Variants in TMEM132D observed in about 807,000 individuals in gnomAD.
TMEM132D encodes transmembrane protein 132D, also known as mature OL transmembrane protein.
Under a neutral mutation model 62.3 loss-of-function variants are expected in TMEM132D, and 21 were observed. The observed-to-expected ratio is 0.34, with a 90% CI of 0.24 to 0.49. The LOEUF (loss-of-function observed/expected upper bound fraction) is 0.49. TMEM132D is among the 20% of genes least tolerant of loss of function. The pLI, the probability that TMEM132D is intolerant of heterozygous loss-of-function variation, is 0.99. For synonymous variants in TMEM132D, 621 were observed against 575.6 expected, an observed-to-expected ratio of 1.08 and a Z score of -1.13; for missense variants, 1,346 against 1,402.8, an observed-to-expected ratio of 0.96 and a Z score of 0.65.
chr12:129,310,730 CAG>C (rs1368050494), intron 4 of TMEM132D, among the ~76,000 whole-genome samples: 3 of 152,160 alleles, frequency 2.0e-5, no homozygotes, highest in Non-Finnish European at 4.4e-5. Context: ...TTTAATTTGT[CAG>C]AGTCATCAGA....
intron 3 of TMEM132D, among the ~76,000 whole-genome samples, chr12:129,460,045 C>G (rs1030303677): frequency 6.6e-6 from 1 of 152,126 alleles, no homozygotes; most frequent in African/African-American, 2.4e-5. Flanking sequence ...ATTAGCTTTT[C>G]TTTTATCAGC....
chr12:129,285,228 G>C (rs192714632), intron 4 of TMEM132D, among the ~76,000 whole-genome samples: 3 of 152,146 alleles, frequency 2.0e-5, no homozygotes, highest in Non-Finnish European at 4.4e-5. Context: ...AGATGAGAGA[G>C]AGGCTCTAGG....
chr12:129,618,676 A>C (rs1878984180), intron 2 of TMEM132D, among the ~76,000 whole-genome samples: 1 of 152,238 alleles, frequency 6.6e-6, no homozygotes, highest in Non-Finnish European at 1.5e-5. Context: ...TAAAATGCAC[A>C]TCTATGTACA....
intron 2 of TMEM132D, among the ~76,000 whole-genome samples, chr12:129,541,264 T>G (rs1288807823): frequency 6.6e-6 from 1 of 152,222 alleles, no homozygotes; most frequent in Non-Finnish European, 1.5e-5. Context: ...ATGTCTTTTA[T>G]GCCTGATTTG....
At chr12:129,247,510 A>G (rs1168740060) in intron 4 of TMEM132D, among the ~76,000 whole-genome samples, 1 of 152,198 alleles carries the variant, frequency 6.6e-6, no homozygotes, top group African/African-American at 2.4e-5. Flanking sequence ...TAAAAGCCAA[A>G]TCCTCAGCAG....
rs577767858 is a variant in TMEM132D at position 129,157,779 on chromosome 12, G to A, written c.1443+51741C>T. ...ACATAATGTGGCTTCTTTGATAATC[G>A]TAATTAATCTTATCTTTCAAATTTA... On this transcript the variant is annotated intron_variant, in intron 5 of 8. Coordinates refer to ENST00000422113, the MANE Select transcript of TMEM132D (RefSeq NM_133448.3). 1.4e-4 allele frequency among the ~76,000 whole-genome samples: 21 copies of A among 152,238 alleles called. No individual in the cohort carries two copies. The East Asian group carries it at 2.3e-3, about 17-fold the overall frequency.
chr12:129,430,866 T>C (rs1331918177), intron 3 of TMEM132D, among the ~76,000 whole-genome samples: 1 of 152,160 alleles, frequency 6.6e-6, no homozygotes. Context: ...GGGAGGTAGA[T>C]AGGGAAAGAG....
intron 1 of TMEM132D, among the ~76,000 whole-genome samples, chr12:129,883,077 G>T (rs1328240153): frequency 2.6e-5 from 4 of 152,124 alleles, no homozygotes; most frequent in African/African-American, 4.8e-5. Context: ...GTGTGGACAG[G>T]CATAAAGACT....
chr12:129,362,201 G>A (rs4759500), intron 3 of TMEM132D, among the ~76,000 whole-genome samples: 149,908 of 152,284 alleles, frequency 0.98, 73,821 homozygotes, highest in Middle Eastern at 1. Flanking sequence ...GTTGATTCCT[G>A]TTTTTATTAC....
chr12:129,779,447 G>A lies in TMEM132D; in HGVS notation c.80-78749C>T, dbSNP rs182504763. Among the ~76,000 whole-genome samples, 1 of 152,082 alleles carries A rather than the reference G, an allele frequency of 6.6e-6. No individual in the cohort carries two copies. The highest frequency in any genetic ancestry group is 1.9e-4 in the East Asian group (1 of 5,160). On this transcript the variant is annotated intron_variant, in intron 1 of 8. Transcript: ENST00000422113. This position sits in a 1 kb window ranked among gnomAD's most constrained non-coding sequence, Gnocchi z 4.1. ...GGAACTGCAGGTGTCCACCCACCATGCCCAGCTAATATTTTGTAGAGATGA... is the reference window on the plus strand; with the variant it reads ...GGAACTGCAGGTGTCCACCCACCATACCCAGCTAATATTTTGTAGAGATGA...
rs557518829 is a variant in TMEM132D at position 129,136,890 on chromosome 12, C to CCACCATCAT, written c.1444-52197_1444-52189dup. On this transcript the variant is annotated intron_variant, in intron 5 of 8. Transcript: ENST00000422113. ...ACCACCATCATTACTATCATCATCACCACCATCATCACCATCATCATCACC... is the reference window on the plus strand; with the variant it reads ...ACCACCATCATTACTATCATCATCACCACCATCATCACCATCATCACCATCATCATCACC... Among the ~76,000 whole-genome samples the CCACCATCAT allele has an allele frequency of 4.5e-3, 672 of 149,100 alleles. 5 individuals are homozygous for CCACCATCAT. The highest frequency in any genetic ancestry group is 6.7e-3 in the Non-Finnish European group (451 of 67,158).
intron 4 of TMEM132D, among the ~76,000 whole-genome samples, chr12:129,221,419 AAC>A (rs1879342368): frequency 6.6e-6 from 1 of 152,224 alleles, no homozygotes. Flanking sequence ...ATTAATACAC[AAC>A]ACTTTCCAAA....
At chr12:129,553,690 G>A (rs1015973731) in intron 2 of TMEM132D, among the ~76,000 whole-genome samples, 1 of 152,184 alleles carries the variant, frequency 6.6e-6, no homozygotes, top group Non-Finnish European at 1.5e-5. Flanking sequence ...CCAAGCTCCA[G>A]CACACCACAA....
At chr12:129,570,200 T>C (rs765703602) in intron 2 of TMEM132D, among the ~76,000 whole-genome samples, 1 of 152,154 alleles carries the variant, frequency 6.6e-6, no homozygotes, top group Non-Finnish European at 1.5e-5. Context: ...AAATAAATAA[T>C]GGGTTTATCC....
At chr12:129,669,888 T>C (rs1333389374) in intron 2 of TMEM132D, among the ~76,000 whole-genome samples, 3 of 152,138 alleles carry the variant, frequency 2.0e-5, no homozygotes, top group Non-Finnish European at 4.4e-5. Context: ...GTTTTTGCCA[T>C]GCAAGTCTTG....
At chr12:129,161,784 C>T (rs575697471) in intron 5 of TMEM132D, among the ~76,000 whole-genome samples, 3 of 152,270 alleles carry the variant, frequency 2.0e-5, no homozygotes, top group African/African-American at 7.2e-5. Flanking sequence ...TGTGGGCAGG[C>T]ACCTATGTCC....
chr12:129,609,477 G>A (rs1037683510), intron 2 of TMEM132D, among the ~76,000 whole-genome samples: 2 of 152,128 alleles, frequency 1.3e-5, no homozygotes, highest in Non-Finnish European at 2.9e-5. Flanking sequence ...CTTAAAAAGC[G>A]ACAGGAAAAC....
chr12:129,153,923 G>C (rs967794490), intron 5 of TMEM132D, among the ~76,000 whole-genome samples: 1 of 152,214 alleles, frequency 6.6e-6, no homozygotes. Context: ...GGGACACCTA[G>C]ATGGAAGGAG....
chr12:129,809,710 A>C (rs1593170686), intron 1 of TMEM132D, among the ~76,000 whole-genome samples: 1 of 152,310 alleles, frequency 6.6e-6, no homozygotes, highest in East Asian at 1.9e-4. Context: ...AGAGTTCTTT[A>C]AAAAGTCTAA....
Sources: gnomAD v4.1 joint callset for allele counts (sites outside exome capture counted in the v4.1 genomes callset) on GRCh38, gnomAD v4.1.1 for gene constraint, Gnocchi (gnomAD v3.1) non-coding constraint, MANE v1.5 for transcripts, NCBI Gene and HGNC (gene_info 2026-07-23, HGNC 2026-07-21) for gene names.